The following RBFOX1 variants were observed in gnomAD, a reference collection of about 807,000 sequenced individuals.
RBFOX1 encodes the protein RNA binding fox-1 homolog 1.
Under a neutral mutation model 57.7 loss-of-function variants are expected in RBFOX1, and 8 were observed. The ratio of observed to expected loss-of-function variants is 0.14; its 90% CI spans 0.08 to 0.25. RBFOX1 has a LOEUF of 0.25. Among genes scored for constraint, RBFOX1 ranks in the 10% least tolerant of loss-of-function variants. The probability of loss-of-function intolerance (pLI) is 1.00; values close to 1 mark genes in which losing one functional copy is unlikely to be tolerated. For missense variants in RBFOX1, 611 were observed against 548.5 expected, an observed-to-expected ratio of 1.11 and a Z score of -1.14; for synonymous variants, 326 against 222.4, an observed-to-expected ratio of 1.47 and a Z score of -4.15.
At chr16:5,464,215 A>C (rs1478733919) in intron 1 of RBFOX1, among the ~76,000 whole-genome samples, 1 of 152,226 alleles carries the variant, frequency 6.6e-6, no homozygotes, top group Non-Finnish European at 1.5e-5. Flanking sequence ...AGAGGCCAAG[A>C]GGATGGTCCG....
At chr16:5,542,948 G>T (rs1043296260) in intron 2 of RBFOX1, among the ~76,000 whole-genome samples, 3 of 152,196 alleles carry the variant, frequency 2.0e-5, no homozygotes, top group Non-Finnish European at 4.4e-5. Context: ...TCATGGCTGA[G>T]AATAGTGCCA....
At chr16:6,567,414 C>A (rs1284208915) in intron 2 of RBFOX1, among the ~76,000 whole-genome samples, 1 of 152,180 alleles carries the variant, frequency 6.6e-6, no homozygotes, top group Non-Finnish European at 1.5e-5. Flanking sequence ...CCTAGATAGC[C>A]TCTTGGCTGG....
At chr16:6,022,934 G>A (rs1247732554) in intron 1 of RBFOX1, among the ~76,000 whole-genome samples, 1 of 152,150 alleles carries the variant, frequency 6.6e-6, no homozygotes, top group Non-Finnish European at 1.5e-5. Context: ...TTTAAGGATA[G>A]TATTGTATAG....
intron 1 of RBFOX1, among the ~76,000 whole-genome samples, chr16:6,085,529 C>A (rs1045107291): frequency 2.6e-5 from 4 of 152,152 alleles, no homozygotes; most frequent in Non-Finnish European, 4.4e-5. Flanking sequence ...CCTCGGCCTC[C>A]CGGTGTTGGG....
intron 3 of RBFOX1, among the ~76,000 whole-genome samples, chr16:5,754,754 G>A (rs1201235765): frequency 2.6e-4 from 5 of 19,290 alleles, no homozygotes; most frequent in African/African-American, 1.1e-3. Context: ...ATTGCTGCCC[G>A]CAGGTCCCAC....
intron 3 of RBFOX1, among the ~76,000 whole-genome samples, chr16:5,670,631 T>C (rs902536270): frequency 3.3e-5 from 5 of 152,218 alleles, no homozygotes; most frequent in African/African-American, 7.2e-5. Flanking sequence ...CCTACACTCA[T>C]ACACATTTCT....
In RBFOX1 at chr16:7,354,657, T is replaced by C. The variant is rs113014773; in HGVS notation, c.28-163490T>C. On this transcript the variant is annotated intron_variant, in intron 4 of 15. Transcript: ENST00000550418. ...TTAGCTGTGTTTATGAGGAAAGAAT[T>C]AGGATATTTTAGCTGGGGAAGATAG... is the stretch of plus-strand genomic sequence containing the variant. Among the ~76,000 whole-genome samples the C allele has an allele frequency of 4.9e-4, 74 of 152,282 alleles. No individual in the cohort carries two copies. The Middle Eastern group carries it at 0.01, about 21-fold the overall frequency.
chr16:5,248,914 G>C (rs558683487), intron 1 of RBFOX1, among the ~76,000 whole-genome samples: 2 of 149,946 alleles, frequency 1.3e-5, no homozygotes, highest in East Asian at 4.0e-4. Flanking sequence ...CTTGAACCCG[G>C]GAGGTGGAGG....
chr16:7,052,609 C>G (rs4386154), intron 4 of RBFOX1, among the ~76,000 whole-genome samples: 3 of 151,966 alleles, frequency 2.0e-5, no homozygotes, highest in Admixed American at 6.6e-5. Context: ...AAATTTTAAA[C>G]CTTATATTCT....
At chr16:6,742,174 G>A (rs1286745249) in intron 3 of RBFOX1, among the ~76,000 whole-genome samples, 1 of 152,100 alleles carries the variant, frequency 6.6e-6, no homozygotes, top group African/African-American at 2.4e-5. Context: ...TCTTTTTAAA[G>A]TGACTTGAAG....
intron 3 of RBFOX1, among the ~76,000 whole-genome samples, chr16:6,956,427 A>T (rs7499744): frequency 6.6e-6 from 1 of 152,092 alleles, no homozygotes; most frequent in Non-Finnish European, 1.5e-5. Flanking sequence ...TGAATACTTG[A>T]ATTTGTCAAG....
chr16:5,497,622 C>CAAAAAAAAAAAAAAAAAAAAA (rs911723996), intron 2 of RBFOX1, among the ~76,000 whole-genome samples: 19 of 53,374 alleles, frequency 3.6e-4, no homozygotes, highest in Non-Finnish European at 4.6e-4. Context: ...ACTAAAAATA[C>CAAAAAAAAAAAAAAAAAAAAA]AAAAAAAAAA....
intron 2 of RBFOX1, among the ~76,000 whole-genome samples, chr16:6,402,218 G>C (rs1458374250): frequency 1.3e-5 from 2 of 152,028 alleles, no homozygotes; most frequent in East Asian, 3.9e-4. Flanking sequence ...GCTAAACTAG[G>C]CATATAGGAA....
chr16:7,410,927 A>C (rs1475692781), intron 4 of RBFOX1, among the ~76,000 whole-genome samples: 1 of 151,726 alleles, frequency 6.6e-6, no homozygotes, highest in Non-Finnish European at 1.5e-5. Flanking sequence ...TTCACCTAGT[A>C]ATCAACTTGA....
At chr16:7,026,075 C>T (rs2040831843) in intron 3 of RBFOX1, among the ~76,000 whole-genome samples, 1 of 152,142 alleles carries the variant, frequency 6.6e-6, no homozygotes, top group Admixed American at 6.5e-5. Context: ...TGTGTCCAGG[C>T]TGGGGTGCTT....
At chr16:7,141,172 C>A (rs2073675761) in intron 4 of RBFOX1, among the ~76,000 whole-genome samples, 1 of 152,056 alleles carries the variant, frequency 6.6e-6, no homozygotes, top group Non-Finnish European at 1.5e-5. Context: ...AGCTGGGGAG[C>A]AAGTAGGAGG....
At chr16:5,868,837 G>A (rs73517137) in intron 4 of RBFOX1, among the ~76,000 whole-genome samples, 2,143 of 152,258 alleles carry the variant, frequency 0.014, 66 homozygotes, top group African/African-American at 0.049. Flanking sequence ...TGAGGCTGTC[G>A]AGAGCATTAA....
intron 3 of RBFOX1, among the ~76,000 whole-genome samples, chr16:6,900,422 A>G (rs570840258): frequency 6.6e-6 from 1 of 152,282 alleles, no homozygotes; most frequent in Admixed American, 6.5e-5. Context: ...TAATCATGCT[A>G]CCACTATCTG....
intron 4 of RBFOX1, among the ~76,000 whole-genome samples, chr16:7,335,104 A>G (rs914167770): frequency 1.3e-5 from 2 of 152,164 alleles, no homozygotes; most frequent in African/African-American, 4.8e-5. Context: ...AAATCACCCC[A>G]GTGCAGTAAT....
Sources: allele counts gnomAD v4.1 joint callset (sites outside exome capture counted in the v4.1 genomes callset), GRCh38; gene constraint gnomAD v4.1.1; transcripts MANE v1.5; gene names NCBI Gene and HGNC (gene_info 2026-07-23, HGNC 2026-07-21).